Variants in LDHAL6A observed in about 807,000 individuals in gnomAD.
LDHAL6A encodes L-lactate dehydrogenase A-like 6A.
In LDHAL6A, 19 loss-of-function variants were observed where a neutral mutation model predicts 28.2. The ratio of observed to expected loss-of-function variants is 0.67; its 90% confidence interval spans 0.47 to 0.99. LDHAL6A has a LOEUF of 0.99. Ranked by LOEUF, LDHAL6A falls within the 50% of genes least tolerant of loss-of-function variation. LDHAL6A has a pLI of 0.00. For missense variants in LDHAL6A, 372 were observed against 398.6 expected, an observed-to-expected ratio of 0.93 and a Z score of 0.57; for synonymous variants, 144 against 134.4, an observed-to-expected ratio of 1.07 and a Z score of -0.49.
chr11:18,475,207 A>G (rs555948609), intron 3 of LDHAL6A: 2 of 354,450 alleles, frequency 5.6e-6, no homozygotes, highest in African/African-American at 2.1e-5. Flanking sequence ...TTGTTTATTC[A>G]TATTTCTCAG....
At chr11:18,463,831 C>A in intron 1 of LDHAL6A, 130 bp from the exon 2 acceptor site, 8 of 623,692 alleles carry the variant, frequency 1.3e-5, no homozygotes, top group African/African-American at 3.7e-5. Context: ...ATGATGAGAT[C>A]ATTTATTATG....
intron 2 of LDHAL6A, among the ~76,000 whole-genome samples, chr11:18,465,263 CAGGCA>C (rs1289159430): frequency 6.6e-6 from 1 of 151,896 alleles, no homozygotes; most frequent in Non-Finnish European, 1.5e-5. Context: ...GCTGGGACTA[CAGGCA>C]TCCGCCACTG....
chr11:18,466,670 AAG>A (rs1554967267), intron 3 of LDHAL6A, among the ~76,000 whole-genome samples: 5 of 151,676 alleles, frequency 3.3e-5, no homozygotes, highest in South Asian at 4.2e-4. Context: ...AAAAAAAAAA[AAG>A]TAGTGTGTAT....
chr11:18,465,547 C>A, intron 2 of LDHAL6A, 90 bp from the exon 3 acceptor site: 1 of 1,060,074 alleles, frequency 9.4e-7, no homozygotes, highest in Non-Finnish European at 1.4e-6. Context: ...CTTTGGTAAA[C>A]ATAGTGTGGT....
intron 3 of LDHAL6A, among the ~76,000 whole-genome samples, chr11:18,467,900 T>TATATATATATACACACAC (rs1849119091): frequency 4.3e-5 from 3 of 68,972 alleles, no homozygotes; most frequent in African/African-American, 2.5e-4. Context: ...TATATATATA[T>TATATATATATACACACAC]ATATATATAT....
intron 3 of LDHAL6A, among the ~76,000 whole-genome samples, chr11:18,467,906 T>TACAC (rs1188379835): frequency 2.8e-5 from 2 of 71,446 alleles, no homozygotes; most frequent in African/African-American, 6.7e-5. Context: ...TATATATATA[T>TACAC]ATATATATAT....
intron 1 of LDHAL6A, among the ~76,000 whole-genome samples, chr11:18,461,881 C>A (rs1238980993): frequency 6.8e-6 from 1 of 146,992 alleles, no homozygotes; most frequent in Non-Finnish European, 1.5e-5. Context: ...AAAAACTAGG[C>A]TGGGCATGGG....
intron 2 of LDHAL6A, among the ~76,000 whole-genome samples, chr11:18,464,765 T>G (rs901209099): frequency 6.6e-6 from 1 of 151,896 alleles, no homozygotes; most frequent in African/African-American, 2.4e-5. Context: ...CAGTTCTGTT[T>G]GATTCCAAAG....
At chr11:18,461,041 T>G (rs1590245962) in intron 1 of LDHAL6A, among the ~76,000 whole-genome samples, 2 of 152,346 alleles carry the variant, frequency 1.3e-5, no homozygotes, top group Admixed American at 1.3e-4. Context: ...TTTCACGATG[T>G]TGGCCAGGCT....
chr11:18,467,968 CGT>C (rs1225549675), intron 3 of LDHAL6A, among the ~76,000 whole-genome samples: 1,287 of 11,220 alleles, frequency 0.11, 139 homozygotes, highest in African/African-American at 0.17. Context: ...TATATATATA[CGT>C]ATATATATAC....
intron 5 of LDHAL6A, among the ~76,000 whole-genome samples, 155 bp from the exon 6 acceptor site, chr11:18,477,462 AAAG>A (rs904735248): frequency 1.8e-4 from 28 of 151,884 alleles, no homozygotes; most frequent in African/African-American, 5.3e-4. Flanking sequence ...TAAAAAAAAA[AAAG>A]AAGAAAGAAA....
chr11:18,456,397 T>C lies in LDHAL6A; in HGVS notation c.-284T>C. The C allele has an allele frequency of 3.1e-6, 1 of 320,034 alleles. No homozygotes were observed. Among genetic ancestry groups the C allele is most frequent in the Non-Finnish European group, 5.6e-6 (1 of 177,698 alleles). The allele number at this position is 320,034 out of a possible 1,614,324, so 19.8% of individuals were successfully genotyped here. A position where few individuals can be genotyped will look rare whatever the true frequency, so the allele number is the denominator to read the frequency against. On this transcript the variant is annotated 5_prime_UTR_variant, in exon 1 of 7. Coordinates refer to ENST00000280706, the MANE Select transcript of LDHAL6A (RefSeq NM_144972.5). ...GTTTCATGTTTGGTGGAGCAACCCC[T>C]GTTCCTTTCCTCTCTCTCTCTCTTA...
intron 4 of LDHAL6A, among the ~76,000 whole-genome samples, chr11:18,476,021 A>G (rs1345232145): frequency 6.6e-6 from 1 of 152,152 alleles, no homozygotes; most frequent in Non-Finnish European, 1.5e-5. Flanking sequence ...AAGGAAGAGA[A>G]AGAGTGCTGT....
At chr11:18,466,108 AATG>A (rs1348062717) in intron 3 of LDHAL6A, among the ~76,000 whole-genome samples, 2 of 152,192 alleles carry the variant, frequency 1.3e-5, no homozygotes, top group Non-Finnish European at 1.5e-5. Flanking sequence ...AGCTTGGAAT[AATG>A]ATCTCCAGCT....
intron 3 of LDHAL6A, among the ~76,000 whole-genome samples, chr11:18,467,696 A>G (rs1323376261): frequency 6.6e-6 from 1 of 150,840 alleles, no homozygotes; most frequent in African/African-American, 2.4e-5. Flanking sequence ...CATCTTTACT[A>G]AAAATACAAA....
chr11:18,475,103 C>T (rs796908085), intron 3 of LDHAL6A: 18 of 185,836 alleles, frequency 9.7e-5, no homozygotes, highest in Non-Finnish European at 1.8e-4. Flanking sequence ...TGAGCCACTG[C>T]GCTCATCCCT....
rs549455882 is a variant in LDHAL6A, at chr11:18,465,698, A to G, written c.306A>G (p.Lys102=). Residue 102 remains lysine (K), a synonymous_variant, in exon 3 of 7, where the codon AAA becomes AAG. Transcript: ENST00000280706. ...TCACAGCAGGTGCACGCCAGAAAAA[A>G]GGAGAAACACGCCTTGATTTAGTCC... is the stretch of plus-strand genomic sequence containing the variant. The part of the protein sequence containing the change: ...VIITAGARQK[K]GETRLDLVQR... 20 of 1,614,014 alleles carry G rather than the reference A, an allele frequency of 1.2e-5. No homozygotes were observed. In the South Asian group the frequency reaches 2.1e-4, roughly 17 times the overall value.
At chr11:18,467,089 T>G (rs1343043004) in intron 3 of LDHAL6A, among the ~76,000 whole-genome samples, 2 of 152,146 alleles carry the variant, frequency 1.3e-5, no homozygotes, top group African/African-American at 4.8e-5. Flanking sequence ...CAAGAGGAAA[T>G]GTCAAACAGC....
Position 18,462,662 on chromosome 11 carries a change from A to C in LDHAL6A, c.127-1299A>C, listed in dbSNP as rs1424801669. Among the ~76,000 whole-genome samples, 42 of 144,388 alleles carry C rather than the reference A, an allele frequency of 2.9e-4. 1 individual carries two copies. The highest frequency in any genetic ancestry group is 5.4e-4 in the Non-Finnish European group (36 of 66,232). The allele number at this position is 144,388 out of a possible 152,430, so 94.7% of individuals were successfully genotyped here. A position where few individuals can be genotyped will look rare whatever the true frequency, so the allele number is the denominator to read the frequency against. Reference sequence around the variant, plus strand: ...AAAAAACAAACAAACAAACAAAAAAAAAAACAAAAAAAACCCAAAAATTAG... The same window carrying C: ...AAAAAACAAACAAACAAACAAAAAACAAAACAAAAAAAACCCAAAAATTAG... On this transcript the variant is annotated intron_variant, in intron 1 of 6. Transcript: ENST00000280706.
Sources: allele counts gnomAD v4.1 joint callset (sites outside exome capture counted in the v4.1 genomes callset), GRCh38; gene constraint gnomAD v4.1.1; transcripts MANE v1.5; gene names NCBI Gene and HGNC (gene_info 2026-07-23, HGNC 2026-07-21).